The following CACNA1A variants were observed in gnomAD, a reference collection of about 807,000 sequenced individuals.
CACNA1A encodes voltage-dependent P/Q-type calcium channel subunit alpha-1A.
CACNA1A carries 57 observed loss-of-function variants against 262.4 expected under a neutral mutation model. That is an observed-to-expected ratio of 0.22 (90% CI 0.18 to 0.27). The LOEUF is 0.27. Ranked by LOEUF, CACNA1A falls within the 10% of genes least tolerant of loss-of-function variation. The probability of loss-of-function intolerance (pLI) is 1.00; values close to 1 mark genes in which losing one functional copy is unlikely to be tolerated. For missense variants in CACNA1A, 2,526 were observed against 3,562.8 expected (o/e 0.71, Z 7.41); for synonymous variants, 1,431 against 1,419.3 (o/e 1.01, Z -0.18).
intron 10 of CACNA1A, among the ~76,000 whole-genome samples, chr19:13,328,129 G>A (rs1009306170): frequency 3.9e-5 from 6 of 151,926 alleles, no homozygotes; most frequent in Non-Finnish European, 5.9e-5. Context: ...GGTCTTGAAC[G>A]GCTGATCTTA....
chr19:13,360,739 A>G (rs2059096328), intron 5 of CACNA1A, among the ~76,000 whole-genome samples: 1 of 152,172 alleles, frequency 6.6e-6, no homozygotes, highest in Admixed American at 6.5e-5. Context: ...CGGCCTCCAA[A>G]GTGCTGGGAT....
intron 1 of CACNA1A, among the ~76,000 whole-genome samples, chr19:13,504,186 T>C (rs1982736468): frequency 6.6e-6 from 1 of 152,144 alleles, no homozygotes; most frequent in Admixed American, 6.5e-5. Context: ...CTCCCACTCC[T>C]CACTCTGTTG....
At chr19:13,408,724 T>C (rs939021486) in intron 3 of CACNA1A, among the ~76,000 whole-genome samples, 5 of 152,200 alleles carry the variant, frequency 3.3e-5, no homozygotes, top group African/African-American at 9.7e-5. Context: ...CATAAGCTCA[T>C]GGCTTTTGAG....
rs557990197 is a variant in CACNA1A, at chr19:13,430,589, C to G, written c.539+22287G>C. On this transcript the variant is annotated intron_variant, in intron 3 of 46. Coordinates refer to ENST00000360228, the MANE Select transcript of CACNA1A (RefSeq NM_001127222.2). Reference sequence around the variant, plus strand: ...TAGTCATGGCAGGGGCTTGATGCCCCTGGAAGATTTTACTGGCACAATTCA... The same window carrying G: ...TAGTCATGGCAGGGGCTTGATGCCCGTGGAAGATTTTACTGGCACAATTCA... 5.4e-3 allele frequency among the ~76,000 whole-genome samples: 826 copies of G among 152,220 alleles called. 4 individuals are homozygous for G. Among genetic ancestry groups the G allele is most frequent in the Non-Finnish European group, 8.1e-3 (548 of 68,016 alleles).
intron 1 of CACNA1A, among the ~76,000 whole-genome samples, chr19:13,474,401 A>G (rs899041250): frequency 6.6e-6 from 1 of 152,240 alleles, no homozygotes; most frequent in Non-Finnish European, 1.5e-5. Flanking sequence ...GGAAGATGGA[A>G]GACAACAACA....
chr19:13,410,964 G>A (rs1342288368), intron 3 of CACNA1A, among the ~76,000 whole-genome samples: 1 of 152,038 alleles, frequency 6.6e-6, no homozygotes, highest in Non-Finnish European at 1.5e-5. Context: ...AGTCCTGGGT[G>A]CTCTCCTGCA....
chr19:13,297,227 C>G (rs971397499), intron 19 of CACNA1A, among the ~76,000 whole-genome samples: 4 of 152,196 alleles, frequency 2.6e-5, no homozygotes, highest in Non-Finnish European at 5.9e-5. Flanking sequence ...TATGAAGTCA[C>G]TTTGCAAAAG....
intron 1 of CACNA1A, among the ~76,000 whole-genome samples, chr19:13,496,832 T>G (rs1260229540): frequency 6.6e-6 from 1 of 152,202 alleles, no homozygotes; most frequent in African/African-American, 2.4e-5. Flanking sequence ...TAAACACATA[T>G]AGTGCTTCCT....
rs954448985 is a variant in CACNA1A, at chr19:13,262,954, T to A, written c.3990-121A>T. The A allele has an allele frequency of 4.2e-6, 3 of 716,418 alleles. No homozygotes were observed. In the African/African-American group the frequency reaches 5.2e-5, roughly 13 times the overall value. The allele number at this position is 716,418 out of a possible 1,614,324, so 44.4% of individuals were successfully genotyped here. ...CCAGGCCTAGAAGTCTGGGGTGAGCTTGGCACAGCCCTGCCCTTCCTGGTG... is the reference window on the plus strand; with the variant it reads ...CCAGGCCTAGAAGTCTGGGGTGAGCATGGCACAGCCCTGCCCTTCCTGGTG... On this transcript the variant is annotated intron_variant, in intron 24 of 46. Transcript: ENST00000360228.
At chr19:13,346,697 T>A (rs1265548908) in intron 6 of CACNA1A, among the ~76,000 whole-genome samples, 5 of 88,928 alleles carry the variant, frequency 5.6e-5, no homozygotes, top group Admixed American at 1.4e-4. Flanking sequence ...TTTTTTTTTT[T>A]GAGACAGAGT....
rs2057740662 is a variant in CACNA1A at position 13,299,324 on chromosome 19, G to A, written c.2309C>T (p.Ala770Val). ...GGTCCGCTGCTCCCACACGGACTTG[G>A]CTGGCTTTTGATTCTTCTGTTGCTC... ...VKEQQKNQKPAKSVWEQRTSE... is the reference protein window; with the variant it reads ...VKEQQKNQKPVKSVWEQRTSE... Residue 770 changes from alanine (A) to valine (V), a missense_variant, in exon 19 of 47, where the codon GCC becomes GTC. Ala to Val is a moderately conservative substitution (Grantham distance 64). Around this residue, in one of 17 missense-constraint regions of CACNA1A, gnomAD observed 765 missense variants for 748.6 expected, o/e 1.02. Coordinates refer to ENST00000360228, the MANE Select transcript of CACNA1A (RefSeq NM_001127222.2). The A allele has an allele frequency of 6.2e-7, 1 of 1,600,344 alleles. No individual in the cohort carries two copies. Among genetic ancestry groups the A allele is most frequent in the Non-Finnish European group, 8.5e-7 (1 of 1,179,766 alleles).
intron 6 of CACNA1A, among the ~76,000 whole-genome samples, chr19:13,348,646 G>A (rs1014229618): frequency 6.6e-6 from 1 of 152,170 alleles, no homozygotes; most frequent in Non-Finnish European, 1.5e-5. Context: ...GACCATCCTG[G>A]CCAACATGGT....
intron 1 of CACNA1A, among the ~76,000 whole-genome samples, chr19:13,490,772 GAAGGA>G (rs1367299273): frequency 2.3e-4 from 32 of 141,154 alleles, no homozygotes; most frequent in African/African-American, 9.5e-4. Context: ...AGAGAGGAAG[GAAGGA>G]AAGGAAAGAA....
At chr19:13,360,756 C>CGTGA (rs2059096724) in intron 5 of CACNA1A, among the ~76,000 whole-genome samples, 1 of 152,174 alleles carries the variant, frequency 6.6e-6, no homozygotes, top group Admixed American at 6.5e-5. Flanking sequence ...GGATTACAGG[C>CGTGA]GTGAGCCACT....
Position 13,255,156 on chromosome 19 carries a change from G to A in CACNA1A, c.4694C>T (p.Pro1565Leu). 4 of 1,613,894 alleles carry A rather than the reference G, an allele frequency of 2.5e-6. No individual in the cohort carries two copies. The highest frequency in any genetic ancestry group is 3.4e-6 in the Non-Finnish European group (4 of 1,179,846). The change falls in exon 29 of 47, where the codon CCG (proline) becomes CTG (leucine). Residue 1565 changes from proline to leucine, a missense_variant. Pro to Leu is a moderately conservative substitution (Grantham distance 98). Around this residue, in one of 17 missense-constraint regions of CACNA1A, gnomAD observed 36 missense variants for 47.3 expected, o/e 0.76. Transcript: ENST00000360228. ...GGCCATGATCGTGTACTCGAAAGGC[G>A]GAGACACCACGAACTGCCACATGCG... ...QYRMWQFVVS[P>L]PFEYTIMAMI...
intron 1 of CACNA1A, among the ~76,000 whole-genome samples, chr19:13,459,172 C>T (rs1021424637): frequency 2.6e-5 from 4 of 152,064 alleles, no homozygotes; most frequent in African/African-American, 9.7e-5. Flanking sequence ...CTTGACCATG[C>T]TAAACCTCTC....
intron 3 of CACNA1A, among the ~76,000 whole-genome samples, chr19:13,385,712 T>C (rs2059600368): frequency 6.6e-6 from 1 of 152,158 alleles, no homozygotes; most frequent in Non-Finnish European, 1.5e-5. Flanking sequence ...TTCATCTGTT[T>C]TGTTCATAGC....
rs1434959652 is a variant in CACNA1A at position 13,360,216 on chromosome 19, T to C, written c.785-417A>G. On this transcript the variant is annotated intron_variant, in intron 5 of 46. Transcript: ENST00000360228. ...TTCTTTGACCTATGGGTAATTTAGA[T>C]GTATTTGTTTTTTAAAAAAACTTAT... 3.3e-5 allele frequency among the ~76,000 whole-genome samples: 5 copies of C among 151,002 alleles called. No homozygotes were observed. The East Asian group carries it at 9.8e-4, about 30-fold the overall frequency.
At chr19:13,435,716 G>A (rs1268210599) in intron 3 of CACNA1A, among the ~76,000 whole-genome samples, 2 of 152,114 alleles carry the variant, frequency 1.3e-5, no homozygotes, top group Non-Finnish European at 2.9e-5. Flanking sequence ...CGGGTCACTC[G>A]GCTGGGCACT....
Sources: gnomAD v4.1 joint callset for allele counts (sites outside exome capture counted in the v4.1 genomes callset) on GRCh38, gnomAD v4.1.1 for gene constraint, gnomAD v4.1.1 regional missense constraint, MANE v1.5 for transcripts, NCBI Gene and HGNC (gene_info 2026-07-23, HGNC 2026-07-21) for gene names.